TBC1D22A: variants seen among roughly 807,000 people sequenced by gnomAD.
TBC1D22A encodes the protein putative GTPase activator.
TBC1D22A carries 38 observed loss-of-function variants against 60.2 expected under a neutral mutation model. That is an observed-to-expected ratio of 0.63 (90% CI 0.49 to 0.83). The LOEUF (loss-of-function observed/expected upper bound fraction) is 0.83, where lower values mean the gene tolerates loss of function less well. Ranked by LOEUF, TBC1D22A falls within the 40% of genes least tolerant of loss-of-function variation. The pLI is 0.00. For synonymous variants in TBC1D22A, 302 were observed against 281.7 expected (o/e 1.07, Z -0.72); for missense variants, 628 against 701.0 (o/e 0.90, Z 1.18).
chr22:47,124,799 C>G (rs2066396042), intron 12 of TBC1D22A, among the ~76,000 whole-genome samples: 1 of 152,046 alleles, frequency 6.6e-6, no homozygotes, highest in African/African-American at 2.4e-5. Context: ...TTGGGCTCCA[C>G]CGAGGTCCGC....
intron 4 of TBC1D22A, among the ~76,000 whole-genome samples, chr22:46,842,634 G>A (rs1448570347): frequency 6.6e-6 from 1 of 152,216 alleles, no homozygotes; most frequent in Non-Finnish European, 1.5e-5. Flanking sequence ...AAAATCAGTG[G>A]GATGAGTTTT....
At position 47,024,065 on chromosome 22, in the gene TBC1D22A, C is replaced by T. The variant is rs957011120; in HGVS notation, c.1202-13006C>T. On this transcript the variant is annotated intron_variant, in intron 10 of 12. Transcript: ENST00000337137. ...GCGATGAAGATGACAGGAGCGTAGG[C>T]GTCGGCAGGGAGAGATGGAAGTACA... Among the ~76,000 whole-genome samples, 8 of 152,194 alleles carry T rather than the reference C, an allele frequency of 5.3e-5. No individual in the cohort carries two copies. The East Asian group carries it at 5.8e-4, about 11-fold the overall frequency.
intron 1 of TBC1D22A, among the ~76,000 whole-genome samples, chr22:46,775,065 G>A (rs2083645998): frequency 6.6e-6 from 1 of 152,250 alleles, no homozygotes; most frequent in African/African-American, 2.4e-5. Context: ...GATGTTTATT[G>A]CAGTCGTCTG....
chr22:46,961,406 T>G (rs568719505), intron 8 of TBC1D22A, among the ~76,000 whole-genome samples: 28 of 152,220 alleles, frequency 1.8e-4, no homozygotes, highest in Non-Finnish European at 3.5e-4. Flanking sequence ...TAGCTCATAG[T>G]GCATTTCCGT....
At chr22:46,816,854 C>G (rs1377144247) in intron 4 of TBC1D22A, among the ~76,000 whole-genome samples, 1 of 152,158 alleles carries the variant, frequency 6.6e-6, no homozygotes, top group Non-Finnish European at 1.5e-5. Flanking sequence ...AAACTGAAAA[C>G]CTTATTCATG....
intron 8 of TBC1D22A, among the ~76,000 whole-genome samples, chr22:46,941,320 G>T (rs1386374636): frequency 7.2e-6 from 1 of 139,480 alleles, no homozygotes; most frequent in East Asian, 2.0e-4. Context: ...ACAGCATGGG[G>T]ACTGGGGCAC....
Position 46,777,003 on chromosome 22 carries a change from C to T in TBC1D22A, c.62+14155C>T, listed in dbSNP as rs540856167. On this transcript the variant is annotated intron_variant, in intron 1 of 12. Transcript: ENST00000337137. This position sits in a 1 kb window ranked among gnomAD's most constrained non-coding sequence, Gnocchi z 4.5. ...GGGCAGCCGGTGCAACTGTCATGTT[C>T]TTCTCAGGAGCAGGGGATGGGTCAG... Among the ~76,000 whole-genome samples, 4 of 152,194 alleles carry T rather than the reference C, an allele frequency of 2.6e-5. No individual in the cohort carries two copies. The highest frequency in any genetic ancestry group is 9.6e-5 in the African/African-American group (4 of 41,518).
At chr22:47,101,653 C>T (rs1297839072) in intron 11 of TBC1D22A, among the ~76,000 whole-genome samples, 2 of 152,202 alleles carry the variant, frequency 1.3e-5, no homozygotes, top group Non-Finnish European at 2.9e-5. Flanking sequence ...TTCTCAAGTG[C>T]TAGGGCTGTA....
intron 4 of TBC1D22A, among the ~76,000 whole-genome samples, chr22:46,843,122 G>A (rs17834950): frequency 0.08 from 12,149 of 152,256 alleles, 657 homozygotes; most frequent in Non-Finnish European, 0.12. Flanking sequence ...TTTGTGAAAT[G>A]ACCCACTGTA....
At chr22:46,924,750 AAAAAAC>A (rs907569009) in intron 8 of TBC1D22A, among the ~76,000 whole-genome samples, 2 of 151,742 alleles carry the variant, frequency 1.3e-5, no homozygotes, top group Admixed American at 6.6e-5. Context: ...TATCTCAAAA[AAAAAAC>A]AAAAACAAAA....
At chr22:46,931,471 T>G (rs111997965) in intron 8 of TBC1D22A, among the ~76,000 whole-genome samples, 1 of 152,246 alleles carries the variant, frequency 6.6e-6, no homozygotes, top group African/African-American at 2.4e-5. Context: ...ATCCTCCCAC[T>G]TTTAGCCCTC....
chr22:46,963,756 C>T (rs1377091652), intron 8 of TBC1D22A, among the ~76,000 whole-genome samples: 3 of 152,222 alleles, frequency 2.0e-5, no homozygotes, highest in African/African-American at 4.8e-5. Flanking sequence ...TGCACCTCCC[C>T]TCCCGGCCTC....
intron 7 of TBC1D22A, among the ~76,000 whole-genome samples, chr22:46,905,094 C>T (rs1245789246): frequency 6.6e-6 from 1 of 152,242 alleles, no homozygotes; most frequent in Non-Finnish European, 1.5e-5. Flanking sequence ...TTTAAAGCCT[C>T]TGTGGCTTTC....
At chr22:47,094,288 T>A (rs1316280764) in intron 11 of TBC1D22A, among the ~76,000 whole-genome samples, 1 of 152,232 alleles carries the variant, frequency 6.6e-6, no homozygotes, top group Non-Finnish European at 1.5e-5. Context: ...GTCAAAAAAA[T>A]GGTCTGTGGG....
chr22:46,797,335 G>A, intron 3 of TBC1D22A, 109 bp from the exon 4 acceptor site: 1 of 1,247,266 alleles, frequency 8.0e-7, no homozygotes, highest in East Asian at 2.4e-5. Context: ...GCTGAGTGAT[G>A]GGAAGAAGGG....
chr22:46,903,286 G>A (rs546247422), intron 7 of TBC1D22A, among the ~76,000 whole-genome samples: 5 of 152,278 alleles, frequency 3.3e-5, no homozygotes, highest in African/African-American at 9.6e-5. Flanking sequence ...TCCCCTTCGA[G>A]AACCCACAGG....
At chr22:46,795,561 G>T (rs1167244025) in intron 3 of TBC1D22A, among the ~76,000 whole-genome samples, 1 of 152,244 alleles carries the variant, frequency 6.6e-6, no homozygotes, top group Non-Finnish European at 1.5e-5. Flanking sequence ...TGACCTCATT[G>T]CCTTGTGCTC....
At chr22:47,025,609 C>T (rs2062225958) in intron 10 of TBC1D22A, among the ~76,000 whole-genome samples, 2 of 152,324 alleles carry the variant, frequency 1.3e-5, no homozygotes, top group African/African-American at 2.4e-5. Flanking sequence ...TACTTAGAAA[C>T]GTATAGTACT....
intron 4 of TBC1D22A, among the ~76,000 whole-genome samples, chr22:46,811,700 C>T (rs986311167): frequency 2.6e-5 from 4 of 152,102 alleles, no homozygotes; most frequent in East Asian, 1.9e-4. Context: ...AGCCAGCACT[C>T]GAGGCCAGGT....
Sources: allele counts gnomAD v4.1 joint callset (sites outside exome capture counted in the v4.1 genomes callset), GRCh38; gene constraint gnomAD v4.1.1; non-coding constraint Gnocchi (gnomAD v3.1); transcripts MANE v1.5; gene names NCBI Gene and HGNC (gene_info 2026-07-23, HGNC 2026-07-21).